Variants in GABRG3 observed in about 807,000 individuals in gnomAD.
The protein encoded by GABRG3 is gamma-aminobutyric acid receptor subunit gamma-3.
Under a neutral mutation model 48.8 loss-of-function variants are expected in GABRG3, and 25 were observed. The ratio of observed to expected loss-of-function variants is 0.51; its 90% confidence interval spans 0.37 to 0.72. GABRG3 has a LOEUF of 0.72. Ranked by LOEUF, GABRG3 falls within the 30% of genes least tolerant of loss-of-function variation. GABRG3 has a pLI of 0.00. For missense variants in GABRG3, 394 were observed against 577.9 expected (o/e 0.68, Z 3.26); for synonymous variants, 227 against 217.6 (o/e 1.04, Z -0.38).
At chr15:27,419,499 T>C (rs930381741) in intron 5 of GABRG3, among the ~76,000 whole-genome samples, 4 of 152,202 alleles carry the variant, frequency 2.6e-5, no homozygotes, top group African/African-American at 9.7e-5. Context: ...TAGCCTAGAA[T>C]TATTTGCACT....
chr15:27,531,686 G>A (rs78061133), intron 9 of GABRG3, among the ~76,000 whole-genome samples: 5,418 of 152,272 alleles, frequency 0.036, 325 homozygotes, highest in African/African-American at 0.12. Flanking sequence ...ATTTAGAAAC[G>A]TATCCCCTTA....
chr15:26,987,163 C>A (rs1277967954), intron 2 of GABRG3, among the ~76,000 whole-genome samples: 1 of 152,018 alleles, frequency 6.6e-6, no homozygotes, highest in Non-Finnish European at 1.5e-5. Context: ...GAGGCTGAGG[C>A]GGGAGAATGG....
chr15:27,499,803 C>G (rs866633737), intron 6 of GABRG3, among the ~76,000 whole-genome samples: 1 of 152,194 alleles, frequency 6.6e-6, no homozygotes, highest in South Asian at 2.1e-4. Flanking sequence ...GCAGAATTCT[C>G]CATAAGCAGA....
At chr15:27,098,240 C>T (rs1897298075) in intron 3 of GABRG3, among the ~76,000 whole-genome samples, 1 of 152,032 alleles carries the variant, frequency 6.6e-6, no homozygotes, top group African/African-American at 2.4e-5. Context: ...TCAAGACCAG[C>T]CTGACCAACA....
chr15:27,127,172 T>C (rs1413117152), intron 3 of GABRG3, among the ~76,000 whole-genome samples: 1 of 152,054 alleles, frequency 6.6e-6, no homozygotes, highest in East Asian at 1.9e-4. Flanking sequence ...CCTAGCAGCA[T>C]TGTTCACAGT....
chr15:27,026,673 A>G (rs543654775), intron 2 of GABRG3, 81 bp from the exon 3 acceptor site: 25 of 919,144 alleles, frequency 2.7e-5, no homozygotes, highest in Non-Finnish European at 3.7e-5. Context: ...GATGCTATGT[A>G]TGAGACTTTA....
intron 3 of GABRG3, among the ~76,000 whole-genome samples, chr15:27,246,530 A>T (rs1595610111): frequency 6.6e-6 from 1 of 152,334 alleles, no homozygotes; most frequent in Admixed American, 6.5e-5. Context: ...AACATAAAAC[A>T]TTATCTACAA....
intron 3 of GABRG3, among the ~76,000 whole-genome samples, chr15:27,225,388 T>C (rs1001288960): frequency 6.6e-6 from 1 of 151,810 alleles, no homozygotes; most frequent in East Asian, 2.0e-4. Context: ...AGCCGGTGCT[T>C]AGGGTGGACT....
At chr15:27,062,434 T>TTAAAAAAAAA (rs773271266) in intron 3 of GABRG3, among the ~76,000 whole-genome samples, 1 of 32,826 alleles carries the variant, frequency 3.0e-5, no homozygotes, top group African/African-American at 7.0e-5. Context: ...CCATCTCTAC[T>TTAAAAAAAAA]AAAAAAAAAA....
chr15:27,022,114 A>G (rs749124870), intron 2 of GABRG3, among the ~76,000 whole-genome samples: 2 of 151,940 alleles, frequency 1.3e-5, no homozygotes, highest in Non-Finnish European at 2.9e-5. Context: ...GCCAAGCACA[A>G]TTTCTCTGTC....
rs147492619 is a variant in GABRG3 at position 27,099,694 on chromosome 15, T to C, written c.270+72873T>C. 1.4e-3 allele frequency among the ~76,000 whole-genome samples: 201 copies of C among 141,656 alleles called. 1 individual carries two copies. Among genetic ancestry groups the C allele is most frequent in the African/African-American group, 5.3e-3 (191 of 36,068 alleles). The allele number at this position is 141,656 out of a possible 152,430, so 92.9% of individuals were successfully genotyped here. The stretch of plus-strand genomic sequence containing the variant: ...CACAAAGAAAACTGTACAAGTAATA[T>C]ACTAAAAACATTATGAATAAAAAAA... On this transcript the variant is annotated intron_variant, in intron 3 of 9. Coordinates refer to ENST00000615808, the MANE Select transcript of GABRG3 (RefSeq NM_033223.5).
At chr15:27,004,668 C>G (rs1895548414) in intron 2 of GABRG3, among the ~76,000 whole-genome samples, 1 of 152,202 alleles carries the variant, frequency 6.6e-6, no homozygotes, top group South Asian at 2.1e-4. Context: ...ATTGAGCACT[C>G]CATGAAATAG....
At chr15:27,258,880 C>A (rs1320019324) in intron 3 of GABRG3, among the ~76,000 whole-genome samples, 1 of 151,996 alleles carries the variant, frequency 6.6e-6, no homozygotes, top group East Asian at 1.9e-4. Context: ...ATCCAATAGC[C>A]AACCTCTTCT....
intron 2 of GABRG3, among the ~76,000 whole-genome samples, chr15:26,981,250 T>G (rs1240233663): frequency 6.6e-6 from 1 of 152,248 alleles, no homozygotes; most frequent in East Asian, 1.9e-4. Context: ...TGAATAAAAC[T>G]GCTGTGAGCA....
intron 3 of GABRG3, among the ~76,000 whole-genome samples, chr15:27,146,210 T>A (rs949286713): frequency 1.3e-5 from 2 of 152,172 alleles, no homozygotes; most frequent in Non-Finnish European, 2.9e-5. Context: ...ATCCCAGCAC[T>A]TTGGGAGGCC....
Position 27,527,503 on chromosome 15 carries a change from C to T in GABRG3, c.936C>T (p.Tyr312=), listed in dbSNP as rs763019442. Residue 312 remains tyrosine, a synonymous_variant, in exon 8 of 10, where the codon TAC becomes TAT. Coordinates refer to ENST00000615808, the MANE Select transcript of GABRG3 (RefSeq NM_033223.5). ...GGAAGTCCTTGCCACGCGTGTCCTA[C>T]GTGACCGCCATGGACCTTTTTGTGA... ...IARKSLPRVS[Y]VTAMDLFVTV... 9.9e-6 allele frequency: 16 copies of T among 1,613,868 alleles called. No individual in the cohort carries two copies. The highest frequency in any genetic ancestry group is 1.4e-5 in the Non-Finnish European group (16 of 1,179,894).
At chr15:27,416,157 A>G (rs1202645449) in intron 5 of GABRG3, among the ~76,000 whole-genome samples, 1 of 152,194 alleles carries the variant, frequency 6.6e-6, no homozygotes, top group African/African-American at 2.4e-5. Context: ...GCCTATTAGA[A>G]TGTCTTGTAC....
intron 3 of GABRG3, among the ~76,000 whole-genome samples, chr15:27,200,761 T>TACTCACA: frequency 6.6e-6 from 1 of 152,304 alleles, no homozygotes; most frequent in Non-Finnish European, 1.5e-5. Flanking sequence ...AATAACATTT[T>TACTCACA]ACTCACAAAA....
chr15:27,456,305 T>C (rs369068836), intron 5 of GABRG3, among the ~76,000 whole-genome samples: 25 of 151,974 alleles, frequency 1.6e-4, no homozygotes, highest in East Asian at 1.4e-3. Flanking sequence ...AGGACAATAG[T>C]TGGTCATGAC....
Sources: allele counts gnomAD v4.1 joint callset (sites outside exome capture counted in the v4.1 genomes callset), GRCh38; gene constraint gnomAD v4.1.1; transcripts MANE v1.5; gene names NCBI Gene and HGNC (gene_info 2026-07-23, HGNC 2026-07-21).